Variants in ALG9 observed in about 807,000 individuals in gnomAD.
ALG9 encodes alpha-1,2-mannosyltransferase ALG9.
Under a neutral mutation model 81.8 loss-of-function variants are expected in ALG9, and 55 were observed. The ratio of observed to expected loss-of-function variants is 0.67; its 90% confidence interval spans 0.54 to 0.84. The LOEUF (loss-of-function observed/expected upper bound fraction) is 0.84. ALG9 is among the 40% of genes least tolerant of loss of function. The probability of loss-of-function intolerance (pLI) is 0.00; values close to 1 mark genes in which losing one functional copy is unlikely to be tolerated. For missense variants in ALG9, 629 were observed against 745.0 expected (o/e 0.84, Z 1.81); for synonymous variants, 278 against 274.3 (o/e 1.01, Z -0.13).
At chr11:111,793,065 C>T (rs1430218321) in intron 14 of ALG9, among the ~76,000 whole-genome samples, 1 of 152,176 alleles carries the variant, frequency 6.6e-6, no homozygotes, top group Non-Finnish European at 1.5e-5. Flanking sequence ...CTCACTGCAG[C>T]CTTGACCTCA....
chr11:111,807,777 C>T lies in ALG9; in HGVS notation c.1733+1866G>A, dbSNP rs191505470. The stretch of plus-strand genomic sequence containing the variant: ...CTGCACTCCAGACTGGGAGAAAGAG[C>T]GAGACCCCGTCTCAAAAAAAAAATT... On this transcript the variant is annotated intron_variant, in intron 14 of 14. Coordinates refer to ENST00000616540, the MANE Select transcript of ALG9 (RefSeq NM_024740.2). Among the ~76,000 whole-genome samples the T allele has an allele frequency of 6.6e-3, 1,005 of 152,212 alleles. 6 individuals are homozygous for T. Among genetic ancestry groups the T allele is most frequent in the Middle Eastern group, 0.051 (15 of 294 alleles).
chr11:111,826,101 T>TAATAATAA (rs1555108220), intron 13 of ALG9, among the ~76,000 whole-genome samples: 4 of 37,128 alleles, frequency 1.1e-4, no homozygotes, highest in Non-Finnish European at 2.3e-4. Flanking sequence ...AATAATAATA[T>TAATAATAA]GCGGCCAGGT....
intron 3 of ALG9, among the ~76,000 whole-genome samples, chr11:111,865,841 A>G (rs538493324): frequency 6.6e-6 from 1 of 151,950 alleles, no homozygotes; most frequent in Non-Finnish European, 1.5e-5. Flanking sequence ...TTTTCCTCCT[A>G]TCTTCCAAAG....
rs192555645 is a variant in ALG9, at chr11:111,842,381, T to C, written c.1019-1572A>G. Among the ~76,000 whole-genome samples the C allele has an allele frequency of 3.7e-3, 562 of 151,918 alleles. 1 individual carries two copies. The highest frequency in any genetic ancestry group is 5.1e-3 in the Non-Finnish European group (345 of 67,964). ...CAGCTAGATATGATGAAATCAAGAG[T>C]AATTTCTTTCCTGCTTCTTAATAAT... On this transcript the variant is annotated intron_variant, in intron 9 of 14. Transcript: ENST00000616540.
chr11:111,770,062 G>C, the ALG9 span, among the ~76,000 whole-genome samples: 3 of 152,042 alleles, frequency 2.0e-5, no homozygotes, highest in Non-Finnish European at 4.4e-5. Flanking sequence ...GAATGAAACA[G>C]GTAATAAACA....
chr11:111,870,247 GA>G lies in ALG9; in HGVS notation c.254del (p.Phe85SerfsTer65). On this transcript the variant is annotated frameshift_variant, in exon 2 of 15. Transcript: ENST00000616540. LOFTEE classifies it high-confidence loss of function. ...LSNISDCDET[F>X]NYWEPTHYLI... Reference sequence around the variant, plus strand: ...AATCACCTACTGGCTCCCAGTAGTTGAATGTTTCATCACAGTCAGAGATGTT... The same window carrying G: ...AATCACCTACTGGCTCCCAGTAGTTGATGTTTCATCACAGTCAGAGATGTT... 6.2e-7 allele frequency: 1 copy of G among 1,609,964 alleles called. No homozygotes were observed. The highest frequency in any genetic ancestry group is 1.1e-5 in the South Asian group (1 of 89,740).
chr11:111,775,261 GTA>G, the ALG9 span, among the ~76,000 whole-genome samples: 1 of 152,140 alleles, frequency 6.6e-6, no homozygotes, highest in African/African-American at 2.4e-5. Context: ...CCTGAAGATG[GTA>G]TTCTTCCCCA....
At position 111,785,478 on chromosome 11, in the gene ALG9, C is replaced by A. The variant is rs1463076164; in HGVS notation, c.*919G>T. 1 of 154,002 alleles carries A rather than the reference C, an allele frequency of 6.5e-6. No homozygotes were observed. Among genetic ancestry groups the A allele is most frequent in the Non-Finnish European group, 1.4e-5 (1 of 69,414 alleles). 9.5% of individuals were successfully genotyped at this position (154,002 alleles called of 1,614,324 possible). On this transcript the variant is annotated 3_prime_UTR_variant, in exon 15 of 15. Transcript: ENST00000616540. ...ATAGGTGCTATAAATATACACTGAT[C>A]CTTTTCACTGGGGGTGGTTAAAAAA...
chr11:111,862,280 C>G (rs1013713756), intron 4 of ALG9, among the ~76,000 whole-genome samples: 2 of 147,118 alleles, frequency 1.4e-5, no homozygotes, highest in Non-Finnish European at 3.0e-5. Flanking sequence ...CTTGCCCAGG[C>G]TGGAGTGCAA....
chr11:111,854,948 G>T (rs1056571930), intron 6 of ALG9, among the ~76,000 whole-genome samples: 1 of 152,190 alleles, frequency 6.6e-6, no homozygotes, highest in African/African-American at 2.4e-5. Flanking sequence ...CTTGGTAAAG[G>T]CAGACTCATC....
chr11:111,847,961 C>T lies in ALG9; in HGVS notation c.896-3238G>A, dbSNP rs528787552. On this transcript the variant is annotated intron_variant, in intron 8 of 14. Coordinates refer to ENST00000616540, the MANE Select transcript of ALG9 (RefSeq NM_024740.2). ...TCCCACCCTCAACTCATGCTCTCTG[C>T]TTTAGTAAGCTTATTCTCTGGTAAA... 2.0e-5 allele frequency among the ~76,000 whole-genome samples: 3 copies of T among 152,314 alleles called. No homozygotes were observed. The South Asian group carries it at 6.2e-4, about 32-fold the overall frequency.
At position 111,782,468 on chromosome 11, in the gene ALG9, A is replaced by G. The variant is rs1452745124; in HGVS notation, c.*3929T>C. The G allele has an allele frequency of 6.6e-6, 1 of 152,652 alleles. No individual in the cohort carries two copies. Among genetic ancestry groups the G allele is most frequent in the Non-Finnish European group, 1.5e-5 (1 of 68,042 alleles). 9.5% of individuals were successfully genotyped at this position (152,652 alleles called of 1,614,324 possible). A position where few individuals can be genotyped will look rare whatever the true frequency, so the allele number is the denominator to read the frequency against. ...GGAAGTCTGATCTTTCTGTTGCAAAAAAAATTAAAGCTGGGCACATGTCCA... is the reference window on the plus strand; with the variant it reads ...GGAAGTCTGATCTTTCTGTTGCAAAGAAAATTAAAGCTGGGCACATGTCCA... On this transcript the variant is annotated 3_prime_UTR_variant, in exon 15 of 15. Coordinates refer to ENST00000616540, the MANE Select transcript of ALG9 (RefSeq NM_024740.2).
chr11:111,866,908 C>G (rs1199541710), intron 3 of ALG9, among the ~76,000 whole-genome samples: 2 of 151,898 alleles, frequency 1.3e-5, no homozygotes, highest in African/African-American at 4.8e-5. Context: ...GACTGGCCAA[C>G]ATGGTGAAAC....
At chr11:111,849,688 C>T (rs1347709479) in intron 8 of ALG9, 6 of 151,638 alleles carry the variant, frequency 4.0e-5, no homozygotes, top group African/African-American at 1.5e-4. Flanking sequence ...TCCATGTGTT[C>T]TCATCGTTCA....
At chr11:111,829,897 G>A (rs1555112134) in intron 13 of ALG9, among the ~76,000 whole-genome samples, 2 of 152,138 alleles carry the variant, frequency 1.3e-5, no homozygotes, top group African/African-American at 4.8e-5. Context: ...TTCCATCTCT[G>A]GTCATGAGGG....
At chr11:111,832,312 T>C (rs1954509601) in intron 13 of ALG9, among the ~76,000 whole-genome samples, 1 of 152,190 alleles carries the variant, frequency 6.6e-6, no homozygotes, top group Non-Finnish European at 1.5e-5. Context: ...GGTCCTGCTA[T>C]GTTGTCCAGG....
chr11:111,833,748 T>C (rs1954774734), intron 13 of ALG9, among the ~76,000 whole-genome samples: 1 of 152,232 alleles, frequency 6.6e-6, no homozygotes, highest in African/African-American at 2.4e-5. Context: ...CCTGCTTTTA[T>C]CAGCCAGCAT....
chr11:111,832,674 A>C (rs1954588785), intron 13 of ALG9, among the ~76,000 whole-genome samples: 1 of 152,154 alleles, frequency 6.6e-6, no homozygotes, highest in Admixed American at 6.5e-5. Context: ...ATTTTTCATA[A>C]CTTTATATCT....
intron 1 of ALG9, 150 bp from the exon 2 acceptor site, chr11:111,870,520 T>A: frequency 8.9e-7 from 1 of 1,123,346 alleles, no homozygotes; most frequent in Non-Finnish European, 1.2e-6. Context: ...TAGCTAGTTG[T>A]TTTTTCTCAG....
Sources: allele counts gnomAD v4.1 joint callset (sites outside exome capture counted in the v4.1 genomes callset), GRCh38; gene constraint gnomAD v4.1.1; transcripts MANE v1.5; gene names NCBI Gene and HGNC (gene_info 2026-07-23, HGNC 2026-07-21).